STAB2: variants seen among roughly 807,000 people sequenced by gnomAD.
STAB2 encodes the protein stabilin 2.
STAB2 carries 288 observed loss-of-function variants against 338.1 expected under a neutral mutation model. The observed-to-expected ratio is 0.85, with a 90% CI of 0.77 to 0.94. The LOEUF (loss-of-function observed/expected upper bound fraction) is 0.94. Ranked by LOEUF, STAB2 falls within the 40% of genes least tolerant of loss-of-function variation. The probability of loss-of-function intolerance (pLI) is 0.00; values close to 1 mark genes in which losing one functional copy is unlikely to be tolerated. For synonymous variants in STAB2, 1,202 were observed against 1,193.3 expected (o/e 1.01, Z -0.15); for missense variants, 3,141 against 3,210.1 (o/e 0.98, Z 0.52).
At chr12:103,606,683 T>C (rs537306130) in intron 3 of STAB2, among the ~76,000 whole-genome samples, 15 of 152,302 alleles carry the variant, frequency 9.8e-5, no homozygotes, top group African/African-American at 3.6e-4. Context: ...TCAGTTATAT[T>C]GTTTCTAATA....
intron 3 of STAB2, among the ~76,000 whole-genome samples, chr12:103,598,112 A>G (rs1956903506): frequency 6.6e-6 from 1 of 152,174 alleles, no homozygotes; most frequent in African/African-American, 2.4e-5. Context: ...TGAGTGACAA[A>G]TAATGCGGAG....
At chr12:103,590,122 A>T (rs947119332) in intron 1 of STAB2, among the ~76,000 whole-genome samples, 1 of 152,218 alleles carries the variant, frequency 6.6e-6, no homozygotes, top group African/African-American at 2.4e-5. Flanking sequence ...CCTCGGCATT[A>T]TGAGCAACAG....
Position 103,730,158 on chromosome 12 carries a change from G to A in STAB2, c.5125G>A (p.Asp1709Asn). 6.2e-7 allele frequency: 1 copy of A among 1,612,836 alleles called. No homozygotes were observed. ...CAATAAGGCTAAGATCATATCCAGTGATATCATCAGTACTAATGGGATTGT... is the reference window on the plus strand; with the variant it reads ...CAATAAGGCTAAGATCATATCCAGTAATATCATCAGTACTAATGGGATTGT... The part of the protein sequence containing the change: ...INNKAKIISS[D>N]IISTNGIVHI... The change falls in exon 49 of 69, where the codon GAT (aspartate) becomes AAT (asparagine). Residue 1709 changes from aspartate to asparagine, a missense_variant. Physicochemically the swap from Asp to Asn is conservative, Grantham distance 23. Transcript: ENST00000388887.
In STAB2 at chr12:103,637,819, A is replaced by G. The variant is rs183871001; in HGVS notation, c.710-197A>G. On this transcript the variant is annotated intron_variant, in intron 7 of 68. Transcript: ENST00000388887. ...ACTACACACACAAAATGGCCTACTA[A>G]TATATCAACACAATATCTGTACAAT... 7.9e-5 allele frequency among the ~76,000 whole-genome samples: 12 copies of G among 152,384 alleles called. No individual in the cohort carries two copies. In the East Asian group the frequency reaches 2.3e-3, roughly 29 times the overall value.
intron 5 of STAB2, among the ~76,000 whole-genome samples, chr12:103,625,488 CT>C (rs1285939699): frequency 6.6e-6 from 1 of 152,148 alleles, no homozygotes; most frequent in Non-Finnish European, 1.5e-5. Flanking sequence ...TTAGGTATAT[CT>C]CCTAAAGCTA....
chr12:103,667,210 G>T (rs1448219713), intron 19 of STAB2, among the ~76,000 whole-genome samples: 1 of 152,158 alleles, frequency 6.6e-6, no homozygotes, highest in Admixed American at 6.5e-5. Context: ...AATAGATGCA[G>T]GTGTTCAGAT....
intron 9 of STAB2, among the ~76,000 whole-genome samples, chr12:103,642,597 G>A (rs769233365): frequency 2.0e-5 from 3 of 152,192 alleles, no homozygotes; most frequent in Non-Finnish European, 2.9e-5. Context: ...CTCAGCCACT[G>A]CCAGATGTGT....
At chr12:103,631,433 G>T in intron 5 of STAB2, among the ~76,000 whole-genome samples, 165 bp from the exon 6 acceptor site, 1 of 66,514 alleles carries the variant, frequency 1.5e-5, no homozygotes, top group African/African-American at 5.8e-5. Flanking sequence ...CTATCCATAT[G>T]TTAAACTTAA....
intron 65 of STAB2, 101 bp downstream of exon 65, chr12:103,759,374 T>G: frequency 6.8e-7 from 1 of 1,475,776 alleles, no homozygotes; most frequent in South Asian, 1.3e-5. Flanking sequence ...TATGCAAACA[T>G]AAACTCTAAA....
At chr12:103,599,605 A>G (rs1282474852) in intron 3 of STAB2, among the ~76,000 whole-genome samples, 1 of 152,242 alleles carries the variant, frequency 6.6e-6, no homozygotes, top group Admixed American at 6.5e-5. Context: ...ACTAATCTGC[A>G]AACAATATTA....
chr12:103,682,686 A>G (rs1427391143), intron 25 of STAB2, among the ~76,000 whole-genome samples: 1 of 152,120 alleles, frequency 6.6e-6, no homozygotes, highest in Non-Finnish European at 1.5e-5. Flanking sequence ...GTGGTGGCTC[A>G]TGCCTGTAAT....
At chr12:103,695,470 G>A (rs954754156) in intron 31 of STAB2, 80 bp from the exon 32 acceptor site, 4 of 1,296,238 alleles carry the variant, frequency 3.1e-6, no homozygotes, top group Admixed American at 3.6e-5. Flanking sequence ...GAGGTTAATG[G>A]CATTAGACTC....
chr12:103,612,547 A>G (rs2138603489), intron 3 of STAB2, among the ~76,000 whole-genome samples: 1 of 152,262 alleles, frequency 6.6e-6, no homozygotes, highest in South Asian at 2.1e-4. Flanking sequence ...CAGGTCCTTT[A>G]AGGACTTCTC....
chr12:103,631,775 G>A, intron 6 of STAB2, 82 bp downstream of exon 6: 1 of 1,378,696 alleles, frequency 7.3e-7, no homozygotes, highest in Non-Finnish European at 1.0e-6. Flanking sequence ...TCTGTTACTG[G>A]TTCTCTGCAG....
intron 47 of STAB2, 133 bp from the exon 48 acceptor site, chr12:103,728,716 C>A: frequency 8.6e-7 from 1 of 1,160,278 alleles, no homozygotes; most frequent in Non-Finnish European, 1.2e-6. Flanking sequence ...TAATCCTGAC[C>A]ACAAAGCTTA....
At chr12:103,755,174 C>T in intron 61 of STAB2, 128 bp from the exon 62 acceptor site, 2 of 1,308,088 alleles carry the variant, frequency 1.5e-6, no homozygotes, top group Non-Finnish European at 2.1e-6. Context: ...GTGCCAGGCA[C>T]AGAGGTGCAA....
At chr12:103,713,428 G>A (rs1880041240) in intron 41 of STAB2, among the ~76,000 whole-genome samples, 1 of 152,214 alleles carries the variant, frequency 6.6e-6, no homozygotes, top group African/African-American at 2.4e-5. Context: ...GGTGTGTCCT[G>A]CAGTAGGATG....
At chr12:103,639,981 G>A (rs1295182368) in intron 8 of STAB2, 142 bp from the exon 9 acceptor site, 1 of 956,752 alleles carries the variant, frequency 1.0e-6, no homozygotes, top group Non-Finnish European at 1.5e-6. Flanking sequence ...TAGATACTTT[G>A]ACAAATTTTT....
At chr12:103,672,807 G>A (rs183083167) in intron 22 of STAB2, among the ~76,000 whole-genome samples, 91 of 152,264 alleles carry the variant, frequency 6.0e-4, no homozygotes, top group Admixed American at 1.8e-3. Flanking sequence ...CAGCAGCTAA[G>A]GTTTAAAATG....
Sources: gnomAD v4.1 joint callset for allele counts (sites outside exome capture counted in the v4.1 genomes callset) on GRCh38, gnomAD v4.1.1 for gene constraint, MANE v1.5 for transcripts, NCBI Gene and HGNC (gene_info 2026-07-23, HGNC 2026-07-21) for gene names.